The following DIAPH2 variants were observed in gnomAD, a reference collection of about 807,000 sequenced individuals.
DIAPH2 encodes the protein protein diaphanous homolog 2.
Under a neutral mutation model 92.7 loss-of-function variants are expected in DIAPH2, and 35 were observed. The ratio of observed to expected loss-of-function variants is 0.38; its 90% CI spans 0.29 to 0.50. DIAPH2 has a LOEUF of 0.50. Ranked by LOEUF, DIAPH2 falls within the 20% of genes least tolerant of loss-of-function variation. The pLI is 0.94. For missense variants in DIAPH2, 701 were observed against 819.5 expected, an observed-to-expected ratio of 0.86 and a Z score of 1.77; for synonymous variants, 301 against 280.4, an observed-to-expected ratio of 1.07 and a Z score of -0.73.
intron 4 of DIAPH2, among the ~76,000 whole-genome samples, chrX:96,806,646 C>CAAAAAAA (rs1234663626): frequency 5.2e-4 from 18 of 34,392 alleles, no homozygotes; most frequent in East Asian, 1.4e-3. Context: ...AACTCCATCT[C>CAAAAAAA]AAAAAAAAAA....
At chrX:96,690,831 C>T (rs1270435158) in intron 1 of DIAPH2, among the ~76,000 whole-genome samples, 2 of 112,136 alleles carry the variant, frequency 1.8e-5, no homozygotes, top group Non-Finnish European at 3.8e-5. Flanking sequence ...AGGCAGCTTA[C>T]TGCCTTTGTA....
intron 21 of DIAPH2, among the ~76,000 whole-genome samples, chrX:97,116,154 T>C (rs752291932): frequency 1.8e-5 from 2 of 112,159 alleles, no homozygotes; most frequent in South Asian, 7.4e-4. Context: ...TTGATGTTCA[T>C]TACATATACA....
chrX:96,747,443 G>A lies in DIAPH2; in HGVS notation c.342+8681G>A, dbSNP rs144398607. On this transcript the variant is annotated intron_variant, in intron 3 of 26. Coordinates refer to ENST00000324765, the MANE Select transcript of DIAPH2 (RefSeq NM_006729.5). ...TTGTTAAAGGTAATGTTTAATATAT[G>A]ATTATACATGCAAATTTGATGTTTT... is the stretch of plus-strand genomic sequence containing the variant. 6.9e-3 allele frequency among the ~76,000 whole-genome samples: 768 copies of A among 112,050 alleles called. 4 individuals are homozygous for A. Among genetic ancestry groups the A allele is most frequent in the African/African-American group, 0.024 (742 of 30,934 alleles).
intron 26 of DIAPH2, among the ~76,000 whole-genome samples, chrX:97,494,135 G>GTT: frequency 9.6e-6 from 1 of 103,942 alleles, no homozygotes. Flanking sequence ...ATTTGTGTGT[G>GTT]TGTATATATG....
chrX:97,455,069 G>C lies in DIAPH2; in HGVS notation c.3241+25324G>C, dbSNP rs138874901. Among the ~76,000 whole-genome samples, 814 of 111,499 alleles carry C rather than the reference G, an allele frequency of 7.3e-3. 8 individuals carry two copies. The highest frequency in any genetic ancestry group is 0.025 in the African/African-American group (760 of 30,656). Reference sequence around the variant, plus strand: ...AGATTGTCCTTACGGAGGCAGCAAAGTGTACAATATATCTTCAAAATATTT... The same window carrying C: ...AGATTGTCCTTACGGAGGCAGCAAACTGTACAATATATCTTCAAAATATTT... On this transcript the variant is annotated intron_variant, in intron 26 of 26. Transcript: ENST00000324765.
chrX:96,821,911 A>G (rs944229415), intron 4 of DIAPH2, among the ~76,000 whole-genome samples: 6 of 111,942 alleles, frequency 5.4e-5, no homozygotes, highest in African/African-American at 1.6e-4. Context: ...ACAGCTCTAT[A>G]ATCCATTTTT....
intron 26 of DIAPH2, among the ~76,000 whole-genome samples, chrX:97,497,882 A>G (rs1433686388): frequency 9.0e-6 from 1 of 111,120 alleles, no homozygotes; most frequent in African/African-American, 3.3e-5. Flanking sequence ...CTATATGTAT[A>G]TATATATCAT....
intron 26 of DIAPH2, among the ~76,000 whole-genome samples, chrX:97,509,749 A>ACAT (rs2070870994): frequency 9.3e-6 from 1 of 107,183 alleles, no homozygotes; most frequent in Admixed American, 1.0e-4. Context: ...ATGAGTGAGA[A>ACAT]CATGTGGTGT....
chrX:97,531,149 A>C (rs2147850833), intron 26 of DIAPH2, among the ~76,000 whole-genome samples: 1 of 111,548 alleles, frequency 9.0e-6, no homozygotes, highest in South Asian at 3.8e-4. Flanking sequence ...TTCTCTAGAA[A>C]CACTCATCGA....
intron 26 of DIAPH2, among the ~76,000 whole-genome samples, chrX:97,530,830 G>A (rs1272870990): frequency 8.9e-6 from 1 of 111,839 alleles, no homozygotes; most frequent in Non-Finnish European, 1.9e-5. Flanking sequence ...AGAGGTAGGA[G>A]GACAGTGACA....
chrX:96,797,676 C>T (rs1325628575), intron 4 of DIAPH2, among the ~76,000 whole-genome samples: 3 of 111,368 alleles, frequency 2.7e-5, no homozygotes, highest in Non-Finnish European at 3.8e-5. Context: ...AAATTTACAA[C>T]AGTCTTTTTT....
At chrX:97,047,365 G>A (rs1467636870) in intron 17 of DIAPH2, among the ~76,000 whole-genome samples, 1 of 109,207 alleles carries the variant, frequency 9.2e-6, no homozygotes, top group East Asian at 2.9e-4. Flanking sequence ...TAAGTGGAAT[G>A]ACATTTATGG....
intron 26 of DIAPH2, among the ~76,000 whole-genome samples, chrX:97,452,836 A>G (rs2070370630): frequency 8.9e-6 from 1 of 112,279 alleles, no homozygotes; most frequent in South Asian, 3.7e-4. Flanking sequence ...GATTTCTAGA[A>G]TGAATAAATA....
At chrX:97,264,959 G>T (rs1033238820) in intron 23 of DIAPH2, among the ~76,000 whole-genome samples, 2 of 110,867 alleles carry the variant, frequency 1.8e-5, no homozygotes, top group Admixed American at 9.6e-5. Context: ...TTCCAGCCTG[G>T]GTGACAGAGG....
chrX:96,790,650 A>G (rs1177325717), intron 4 of DIAPH2, among the ~76,000 whole-genome samples: 1 of 111,582 alleles, frequency 9.0e-6, no homozygotes, highest in Non-Finnish European at 1.9e-5. Flanking sequence ...GAGGGAAAAA[A>G]AATCCTATGT....
intron 22 of DIAPH2, among the ~76,000 whole-genome samples, chrX:97,202,075 G>C (rs1425730953): frequency 9.0e-6 from 1 of 111,549 alleles, no homozygotes; most frequent in African/African-American, 3.3e-5. Flanking sequence ...CTTCATAAGC[G>C]AAGTGGAAAT....
intron 4 of DIAPH2, among the ~76,000 whole-genome samples, chrX:96,765,224 G>A (rs2064295476): frequency 1.0e-5 from 1 of 100,145 alleles, no homozygotes; most frequent in Non-Finnish European, 2.0e-5. Context: ...TTGAGAAAGG[G>A]TCTCACTCTG....
intron 4 of DIAPH2, among the ~76,000 whole-genome samples, chrX:96,855,525 T>C (rs1319480611): frequency 6.4e-5 from 7 of 109,768 alleles, no homozygotes; most frequent in Admixed American, 3.9e-4. Flanking sequence ...GCTTAGTCTA[T>C]ATCCTCATGA....
intron 26 of DIAPH2, among the ~76,000 whole-genome samples, chrX:97,524,885 A>G (rs2071014759): frequency 8.9e-6 from 1 of 112,474 alleles, no homozygotes; most frequent in Non-Finnish European, 1.9e-5. Context: ...CTCCGTAGCT[A>G]TAGCCTACAG....
Sources: gnomAD v4.1 joint callset for allele counts (sites outside exome capture counted in the v4.1 genomes callset) on GRCh38, gnomAD v4.1.1 for gene constraint, MANE v1.5 for transcripts, NCBI Gene and HGNC (gene_info 2026-07-23, HGNC 2026-07-21) for gene names.